The following SLC28A1 variants were observed in gnomAD, a reference collection of about 807,000 sequenced individuals.
SLC28A1 encodes solute carrier family 28 member 1.
SLC28A1 carries 64 observed loss-of-function variants against 74.8 expected under a neutral mutation model. The observed-to-expected ratio is 0.86, with a 90% CI of 0.70 to 1.05. The LOEUF is 1.05. Ranked by LOEUF, SLC28A1 falls within the 50% of genes least tolerant of loss-of-function variation. The probability of loss-of-function intolerance (pLI) is 0.00; values close to 1 mark genes in which losing one functional copy is unlikely to be tolerated. For synonymous variants in SLC28A1, 359 were observed against 335.0 expected (o/e 1.07, Z -0.78); for missense variants, 828 against 822.8 (o/e 1.01, Z -0.08).
At chr15:84,889,677 T>TTTCCTTCCTTCC (rs1309924533) in intron 4 of SLC28A1, among the ~76,000 whole-genome samples, 6 of 109,914 alleles carry the variant, frequency 5.5e-5, no homozygotes, top group East Asian at 2.6e-4. Context: ...TCCTTCCTTC[T>TTTCCTTCCTTCC]TTCCTTCCTT....
At chr15:84,926,210 A>G (rs1406806219) in intron 12 of SLC28A1, among the ~76,000 whole-genome samples, 2 of 151,820 alleles carry the variant, frequency 1.3e-5, no homozygotes, top group East Asian at 3.9e-4. Context: ...ATGTATTTAT[A>G]TAGAGAGAGA....
chr15:84,887,771 A>G lies in SLC28A1; in HGVS notation c.11A>G (p.Asp4Gly), dbSNP rs773468869. MEN[D>G]PSRRRESISL... ...TGGAAGGTCTGGGACATGGAGAACGACCCCTCGAGACGAAGAGAGTCCATC... is the reference window on the plus strand; with the variant it reads ...TGGAAGGTCTGGGACATGGAGAACGGCCCCTCGAGACGAAGAGAGTCCATC... The change falls in exon 3 of 19, where the codon GAC becomes GGC. Residue 4 changes from aspartate to glycine, a missense_variant. By Grantham distance (94) the Asp-to-Gly change is moderately conservative (BLOSUM62 -1). This residue lies in a region of SLC28A1 where 767 missense variants were observed against 753.5 expected (regional missense o/e 1.02). Coordinates refer to ENST00000394573, the MANE Select transcript of SLC28A1 (RefSeq NM_004213.5). The G allele has an allele frequency of 6.8e-5, 110 of 1,613,586 alleles. No individual in the cohort carries two copies. The highest frequency in any genetic ancestry group is 8.9e-5 in the Non-Finnish European group (105 of 1,179,880).
the SLC28A1 span, among the ~76,000 whole-genome samples, chr15:84,956,879 T>TA: frequency 6.6e-6 from 1 of 152,102 alleles, no homozygotes; most frequent in Non-Finnish European, 1.5e-5. Context: ...TGCCATTTTT[T>TA]ATGTACCACT....
At chr15:84,898,152 C>T (rs943710388) in intron 6 of SLC28A1, among the ~76,000 whole-genome samples, 3 of 151,122 alleles carry the variant, frequency 2.0e-5, no homozygotes, top group Non-Finnish European at 2.9e-5. Context: ...TCATATATAC[C>T]CAGTAGTGGA....
intron 4 of SLC28A1, among the ~76,000 whole-genome samples, chr15:84,889,538 G>A (rs1965029128): frequency 6.6e-6 from 1 of 152,168 alleles, no homozygotes; most frequent in Non-Finnish European, 1.5e-5. Context: ...CTGGTGGGTG[G>A]ATTCCAATTA....
intron 15 of SLC28A1, among the ~76,000 whole-genome samples, chr15:84,938,724 C>T (rs1358971224): frequency 1.3e-5 from 2 of 151,524 alleles, no homozygotes; most frequent in African/African-American, 4.9e-5. Flanking sequence ...AACCACAATT[C>T]GTGGTAAGTT....
intron 12 of SLC28A1, among the ~76,000 whole-genome samples, chr15:84,926,977 A>G (rs1322094695): frequency 6.6e-6 from 1 of 152,146 alleles, no homozygotes; most frequent in Non-Finnish European, 1.5e-5. Flanking sequence ...GACCACACCA[A>G]TAAGCTCAGC....
chr15:84,928,582 CTTT>C (rs1970837155), intron 12 of SLC28A1, among the ~76,000 whole-genome samples: 2 of 19,132 alleles, frequency 1.0e-4, no homozygotes, highest in African/African-American at 4.7e-4. Context: ...TTCTTTCTTT[CTTT>C]CTTTCTTTCT....
At chr15:84,969,240 G>A in the SLC28A1 span, among the ~76,000 whole-genome samples, 9 of 152,138 alleles carry the variant, frequency 5.9e-5, no homozygotes, top group Admixed American at 4.6e-4. Flanking sequence ...GCAACCAGGA[G>A]AATTGCTGAG....
At chr15:84,894,407 C>T (rs1965713745) in intron 5 of SLC28A1, among the ~76,000 whole-genome samples, 1 of 151,792 alleles carries the variant, frequency 6.6e-6, no homozygotes, top group African/African-American at 2.4e-5. Flanking sequence ...AGAGACATCT[C>T]CCCCTCTGCT....
Position 84,917,137 on chromosome 15 carries a change from C to T in SLC28A1, c.796-1387C>T, listed in dbSNP as rs192561299. On this transcript the variant is annotated intron_variant, in intron 9 of 18. Transcript: ENST00000394573. ...CAGCACATAGAAACAAATCCTTTGG[C>T]TATTTGGGAGTGCTTCTTTCTATAA... 9.2e-5 allele frequency among the ~76,000 whole-genome samples: 14 copies of T among 151,912 alleles called. No homozygotes were observed. In the East Asian group the frequency reaches 2.7e-3, roughly 29 times the overall value.
intron 8 of SLC28A1, among the ~76,000 whole-genome samples, chr15:84,908,286 C>T (rs1414433807): frequency 6.9e-6 from 1 of 145,582 alleles, no homozygotes; most frequent in South Asian, 2.2e-4. Context: ...CGGGTTCAAG[C>T]GATTCTCCTG....
intron 6 of SLC28A1, among the ~76,000 whole-genome samples, chr15:84,897,473 G>C (rs1440596440): frequency 6.6e-6 from 1 of 152,208 alleles, no homozygotes; most frequent in Non-Finnish European, 1.5e-5. Flanking sequence ...TGGTGCAGAA[G>C]TAATTGTGGT....
rs113877591 is a variant in SLC28A1, at chr15:84,887,654, C to G, written c.-16-91C>G. On this transcript the variant is annotated intron_variant, in intron 2 of 18. Coordinates refer to ENST00000394573, the MANE Select transcript of SLC28A1 (RefSeq NM_004213.5). ...GGCTGTGCCAGGCATCTGCTCCCCC[C>G]ACTCAGTCCTCTCCCCTTTCCCCGG... is the stretch of plus-strand genomic sequence containing the variant. 369 of 1,561,598 alleles carry G rather than the reference C, an allele frequency of 2.4e-4. 3 individuals carry two copies. The South Asian group carries it at 3.4e-3, about 14-fold the overall frequency.
intron 10 of SLC28A1, among the ~76,000 whole-genome samples, chr15:84,920,463 A>AAAGGGGAAGGGGAAGGGGAAGGGG (rs58546184): frequency 1.2e-4 from 17 of 141,626 alleles, no homozygotes; most frequent in Admixed American, 2.9e-4. Flanking sequence ...AAAGGAAAGG[A>AAAGGGGAAGGGGAAGGGGAAGGGG]AAGGGGAAGG....
chr15:84,970,037 G>A, the SLC28A1 span, among the ~76,000 whole-genome samples: 3 of 152,198 alleles, frequency 2.0e-5, no homozygotes, highest in Non-Finnish European at 4.4e-5. Flanking sequence ...ATTACACCAA[G>A]TAGCAAAGAG....
rs149518145 is a variant in SLC28A1 at position 84,893,121 on chromosome 15, G to A, written c.278-1819G>A. Among the ~76,000 whole-genome samples, 1,023 of 151,078 alleles carry A rather than the reference G, an allele frequency of 6.8e-3. 10 individuals carry two copies. Among genetic ancestry groups the A allele is most frequent in the African/African-American group, 0.024 (968 of 41,012 alleles). On this transcript the variant is annotated intron_variant, in intron 5 of 18. Coordinates refer to ENST00000394573, the MANE Select transcript of SLC28A1 (RefSeq NM_004213.5). ...GACCACAAAGCACAGGCCCTGAGGCGCACAGACCTTCTTGGCCTCCTAGCC... is the reference window on the plus strand; with the variant it reads ...GACCACAAAGCACAGGCCCTGAGGCACACAGACCTTCTTGGCCTCCTAGCC...
intron 5 of SLC28A1, among the ~76,000 whole-genome samples, chr15:84,892,765 T>C (rs1202555122): frequency 6.6e-6 from 1 of 152,172 alleles, no homozygotes; most frequent in South Asian, 2.1e-4. Context: ...CGACAGTGGC[T>C]TGCTTGCCTT....
intron 11 of SLC28A1, among the ~76,000 whole-genome samples, chr15:84,923,368 G>A (rs991942874): frequency 1.3e-5 from 2 of 148,936 alleles, no homozygotes; most frequent in Non-Finnish European, 2.9e-5. Context: ...CACCCTCCAC[G>A]GCTCCCAGGA....
Sources: allele counts gnomAD v4.1 joint callset (sites outside exome capture counted in the v4.1 genomes callset), GRCh38; gene constraint gnomAD v4.1.1; regional missense constraint gnomAD v4.1.1; transcripts MANE v1.5; gene names NCBI Gene and HGNC (gene_info 2026-07-23, HGNC 2026-07-21).